The following SESN2 variants were observed in gnomAD, a reference collection of about 807,000 sequenced individuals.
The protein encoded by SESN2 is sestrin 2, also known as sestrin-2.
In SESN2, 42 loss-of-function variants were observed where a neutral mutation model predicts 56.0. The ratio of observed to expected loss-of-function variants is 0.75; its 90% CI spans 0.59 to 0.97. SESN2 has a LOEUF of 0.97. SESN2 is among the 50% of genes least tolerant of loss of function. The probability of loss-of-function intolerance (pLI) is 0.00; values close to 1 mark genes in which losing one functional copy is unlikely to be tolerated. For missense variants in SESN2, 507 were observed against 649.4 expected, an observed-to-expected ratio of 0.78 and a Z score of 2.38; for synonymous variants, 264 against 267.1, an observed-to-expected ratio of 0.99 and a Z score of 0.11.
intron 6 of SESN2, among the ~76,000 whole-genome samples, 171 bp downstream of exon 6, chr1:28,273,679 C>T (rs1557734300): frequency 6.6e-6 from 1 of 152,176 alleles, no homozygotes; most frequent in South Asian, 2.1e-4. Context: ...GGGCTGCTAG[C>T]CTTTCCGGCT....
At chr1:28,275,542 T>G (rs574104973) in intron 8 of SESN2, among the ~76,000 whole-genome samples, 56 of 146,838 alleles carry the variant, frequency 3.8e-4, no homozygotes, top group African/African-American at 1.4e-3. Flanking sequence ...ATCATGAGGT[T>G]AGGAGTTCGA....
intron 1 of SESN2, 95 bp downstream of exon 1, chr1:28,260,032 C>G: frequency 1.1e-6 from 1 of 936,368 alleles, no homozygotes; most frequent in Non-Finnish European, 1.5e-6. Context: ...GTCCTGGGCT[C>G]GGGGAGGGAA....
In SESN2 at chr1:28,272,323, C is replaced by T; in HGVS notation, c.394C>T (p.His132Tyr). The T allele has an allele frequency of 6.2e-7, 1 of 1,614,094 alleles. No homozygotes were observed. ...RHQCSYLVGS[H>Y]MAEFLQTGGD... is the part of the protein sequence containing the mutation. ...TCAGTGTTCTTACCTGGTAGGCTCCCACATGGCCGAGTTTCTGCAGACTGG... is the reference window on the plus strand; with the variant it reads ...TCAGTGTTCTTACCTGGTAGGCTCCTACATGGCCGAGTTTCTGCAGACTGG... Residue 132 changes from histidine (H) to tyrosine (Y), a missense_variant, in exon 4 of 10, where the codon CAC (histidine) becomes TAC (tyrosine). Coordinates refer to ENST00000253063, the MANE Select transcript of SESN2 (RefSeq NM_031459.5).
chr1:28,274,038 A>C lies in SESN2; in HGVS notation c.902-2A>C. ...TCACTGTGACCTCTTTCTGGTCCTCAGCTGACATCCTGGAGCCCTCTCCAC... is the reference window on the plus strand; with the variant it reads ...TCACTGTGACCTCTTTCTGGTCCTCCGCTGACATCCTGGAGCCCTCTCCAC... On this transcript the variant is annotated splice_acceptor_variant, in intron 6 of 9. Coordinates refer to ENST00000253063, the MANE Select transcript of SESN2 (RefSeq NM_031459.5). LOFTEE classifies it high-confidence loss of function. 6.2e-7 allele frequency: 1 copy of C among 1,603,830 alleles called. No individual in the cohort carries two copies. Among genetic ancestry groups the C allele is most frequent in the Non-Finnish European group, 8.5e-7 (1 of 1,170,714 alleles).
Position 28,280,744 on chromosome 1 carries a change from C to T in SESN2, c.1385C>T (p.Ala462Val), listed in dbSNP as rs988053889. 33 of 1,613,340 alleles carry T rather than the reference C, an allele frequency of 2.0e-5. No individual in the cohort carries two copies. Among genetic ancestry groups the T allele is most frequent in the Non-Finnish European group, 2.7e-5 (32 of 1,179,944 alleles). Residue 462 changes from alanine to valine, a missense_variant, in exon 10 of 10, where the codon GCG (alanine) becomes GTG (valine). Transcript: ENST00000253063. ...CACGTGAACTTGCTGCTCCTGGAGG[C>T]GCGCATGCAAGCCGCTCTGCTGTAC... ...KVHVNLLLLE[A>V]RMQAALLYAL...
rs1323704506 is a variant in SESN2 at position 28,277,056 on chromosome 1, T to C, written c.1211+2041T>C. ...CTGAGTACCTGGGATTACAGGCACATGCCACCATGCCCAGGTAGTTTTTTG... is the reference window on the plus strand; with the variant it reads ...CTGAGTACCTGGGATTACAGGCACACGCCACCATGCCCAGGTAGTTTTTTG... On this transcript the variant is annotated intron_variant, in intron 8 of 9. Transcript: ENST00000253063. 5.9e-5 allele frequency among the ~76,000 whole-genome samples: 9 copies of C among 151,932 alleles called. No individual in the cohort carries two copies. In the East Asian group the frequency reaches 1.6e-3, roughly 26 times the overall value.
intron 8 of SESN2, 104 bp from the exon 9 acceptor site, chr1:28,278,993 T>C: frequency 8.6e-7 from 1 of 1,160,574 alleles, no homozygotes; most frequent in Non-Finnish European, 1.3e-6. Context: ...TACCTTCTGA[T>C]TTTTCTCAAC....
intron 1 of SESN2, among the ~76,000 whole-genome samples, chr1:28,260,235 A>G (rs1352298900): frequency 1.4e-5 from 2 of 145,586 alleles, no homozygotes; most frequent in Non-Finnish European, 3.0e-5. Flanking sequence ...ACTCCTGGCC[A>G]ATGAGGGAGA....
Position 28,273,503 on chromosome 1 carries a change from C to G in SESN2, c.896C>G (p.Pro299Arg). The change falls in exon 6 of 10, where the codon CCC becomes CGC. Residue 299 changes from proline to arginine, a missense_variant. Physicochemically the swap from Pro to Arg is moderately radical, Grantham distance 103 (BLOSUM62 -2). Coordinates refer to ENST00000253063, the MANE Select transcript of SESN2 (RefSeq NM_031459.5). ...AAGTCAGAGAGCCTGCTGGTGACCCCCTCAGGTACAGGGTCACAGGCATCC... is the reference window on the plus strand; with the variant it reads ...AAGTCAGAGAGCCTGCTGGTGACCCGCTCAGGTACAGGGTCACAGGCATCC... ...LEKSESLLVT[P>R]SADILEPSPH... is the part of the protein sequence containing the mutation. The G allele has an allele frequency of 1.2e-6, 2 of 1,603,472 alleles. No individual in the cohort carries two copies. Among genetic ancestry groups the G allele is most frequent in the Non-Finnish European group, 1.7e-6 (2 of 1,175,564 alleles).
intron 2 of SESN2, among the ~76,000 whole-genome samples, chr1:28,270,594 G>A (rs772250831): frequency 8.7e-5 from 13 of 148,996 alleles, no homozygotes; most frequent in African/African-American, 1.5e-4. Context: ...TTTTTGAAAC[G>A]AAGTTTTGTT....
chr1:28,275,183 C>T (rs1489040306), intron 8 of SESN2, among the ~76,000 whole-genome samples, 168 bp downstream of exon 8: 7 of 151,852 alleles, frequency 4.6e-5, no homozygotes, highest in Non-Finnish European at 8.8e-5. Context: ...ATTGTTTGAA[C>T]GTTGTAAATG....
At chr1:28,265,614 C>T (rs1433638118) in intron 1 of SESN2, among the ~76,000 whole-genome samples, 3 of 152,130 alleles carry the variant, frequency 2.0e-5, no homozygotes, top group Non-Finnish European at 2.9e-5. Context: ...AGGCTGGTCT[C>T]GAACTCCCAA....
At chr1:28,259,962 C>A in intron 1 of SESN2, 25 bp downstream of exon 1, 1 of 1,485,336 alleles carries the variant, frequency 6.7e-7, no homozygotes, top group Non-Finnish European at 8.9e-7. Flanking sequence ...CGCGACGCCC[C>A]TCTTCCCTGG....
At chr1:28,268,660 C>T (rs557453755) in intron 1 of SESN2, among the ~76,000 whole-genome samples, 6 of 145,110 alleles carry the variant, frequency 4.1e-5, no homozygotes, top group Non-Finnish European at 6.0e-5. Context: ...AGCGATACTC[C>T]GTCTCAAAAA....
chr1:28,274,251 G>C, intron 7 of SESN2, 93 bp downstream of exon 7: 1 of 849,944 alleles, frequency 1.2e-6, no homozygotes, highest in Non-Finnish European at 2.0e-6. Flanking sequence ...TAGGTACCCA[G>C]CTGGGCATGG....
In SESN2 at chr1:28,273,274, G is replaced by C. The variant is rs1182099900; in HGVS notation, c.751-84G>C. On this transcript the variant is annotated intron_variant, in intron 5 of 9. Coordinates refer to ENST00000253063, the MANE Select transcript of SESN2 (RefSeq NM_031459.5). ...CTGGGCCTTTGTGAGCATTAGGAAG[G>C]CCTGGCCTCTGGGAAGGATGAGTGG... is the stretch of plus-strand genomic sequence containing the variant. The C allele has an allele frequency of 1.2e-5, 16 of 1,352,290 alleles. No individual in the cohort carries two copies. The East Asian group carries it at 3.7e-4, about 31-fold the overall frequency. The allele number at this position is 1,352,290 out of a possible 1,614,324, so 83.8% of individuals were successfully genotyped here.
rs1373275603 is a variant in SESN2, at chr1:28,272,861, T to C, written c.750+68T>C. 4.8e-6 allele frequency: 4 copies of C among 839,312 alleles called. No homozygotes were observed. The East Asian group carries it at 1.0e-4, about 22-fold the overall frequency. The allele number at this position is 839,312 out of a possible 1,614,324, so 52.0% of individuals were successfully genotyped here. On this transcript the variant is annotated intron_variant, in intron 5 of 9. Coordinates refer to ENST00000253063, the MANE Select transcript of SESN2 (RefSeq NM_031459.5). ...TGACCTCTGGTCCTTAGGTAGAAGCTACTGCTTCCCAATCTCGTATCTGCA... is the reference window on the plus strand; with the variant it reads ...TGACCTCTGGTCCTTAGGTAGAAGCCACTGCTTCCCAATCTCGTATCTGCA...
Position 28,279,208 on chromosome 1 carries a change from C to T in SESN2, c.1323C>T (p.Asn441=), listed in dbSNP as rs770729814. ...AGAAGACCACCCGAAGAATGTACAA[C>T]CTCTTCTGGAGGCACTTCCGCCACT... ...YPEKTTRRMY[N]LFWRHFRHSE... Residue 441 remains asparagine (N), a synonymous_variant, in exon 9 of 10, where the codon AAC becomes AAT. Transcript: ENST00000253063. 3.7e-6 allele frequency: 6 copies of T among 1,614,176 alleles called. No individual in the cohort carries two copies. The highest frequency in any genetic ancestry group is 5.1e-6 in the Non-Finnish European group (6 of 1,180,026).
chr1:28,263,719 T>G (rs1025671652), intron 1 of SESN2, among the ~76,000 whole-genome samples: 3 of 152,012 alleles, frequency 2.0e-5, no homozygotes, highest in Admixed American at 2.0e-4. Context: ...TTCCCAAAGC[T>G]GTTATTATGA....
Sources: allele counts gnomAD v4.1 joint callset (sites outside exome capture counted in the v4.1 genomes callset), GRCh38; gene constraint gnomAD v4.1.1; transcripts MANE v1.5; gene names NCBI Gene and HGNC (gene_info 2026-07-23, HGNC 2026-07-21).